The following SLC24A3 variants were observed in gnomAD, a reference collection of about 807,000 sequenced individuals.
The protein encoded by SLC24A3 is sodium/potassium/calcium exchanger 3.
SLC24A3 carries 28 observed loss-of-function variants against 75.8 expected under a neutral mutation model. The ratio of observed to expected loss-of-function variants is 0.37; its 90% CI spans 0.27 to 0.51. SLC24A3 has a LOEUF of 0.51. Ranked by LOEUF, SLC24A3 falls within the 20% of genes least tolerant of loss-of-function variation. SLC24A3 has a pLI of 0.94. For synonymous variants in SLC24A3, 372 were observed against 334.1 expected (o/e 1.11, Z -1.24); for missense variants, 663 against 847.8 (o/e 0.78, Z 2.71).
intron 2 of SLC24A3, among the ~76,000 whole-genome samples, chr20:19,354,674 C>T (rs1985644732): frequency 6.6e-6 from 1 of 151,070 alleles, no homozygotes; most frequent in Non-Finnish European, 1.5e-5. Context: ...CATCATTAGT[C>T]ATTAGGAAAT....
intron 6 of SLC24A3, among the ~76,000 whole-genome samples, chr20:19,612,751 G>A (rs1291897670): frequency 1.3e-5 from 2 of 152,120 alleles, no homozygotes; most frequent in Non-Finnish European, 1.5e-5. Flanking sequence ...ACTGCAGGAG[G>A]CCCCTCAGGG....
chr20:19,583,395 C>A (rs1031543268), intron 4 of SLC24A3, among the ~76,000 whole-genome samples: 2 of 152,104 alleles, frequency 1.3e-5, no homozygotes, highest in Admixed American at 6.5e-5. Flanking sequence ...ATACAGGGAG[C>A]CCTGCAAGCC....
intron 2 of SLC24A3, among the ~76,000 whole-genome samples, chr20:19,410,612 G>C (rs755257075): frequency 6.6e-6 from 1 of 152,112 alleles, no homozygotes; most frequent in Non-Finnish European, 1.5e-5. Flanking sequence ...CTCTCGGGGA[G>C]GTCTCTGGAT....
intron 1 of SLC24A3, among the ~76,000 whole-genome samples, chr20:19,245,840 G>A (rs993554177): frequency 6.6e-6 from 1 of 151,914 alleles, no homozygotes; most frequent in East Asian, 1.9e-4. Flanking sequence ...AACTTCACCA[G>A]AAACTGAAGA....
chr20:19,314,301 ATTTTAT>A (rs1336907219), intron 2 of SLC24A3, among the ~76,000 whole-genome samples: 1 of 147,404 alleles, frequency 6.8e-6, no homozygotes, highest in Non-Finnish European at 1.5e-5. Flanking sequence ...ATTTTATTTT[ATTTTAT>A]TTTATTTTAT....
chr20:19,449,516 A>G (rs1220103539), intron 2 of SLC24A3, among the ~76,000 whole-genome samples: 2 of 152,170 alleles, frequency 1.3e-5, no homozygotes, highest in Non-Finnish European at 2.9e-5. Context: ...CAGGAAAATA[A>G]AAGTTCTCAA....
intron 15 of SLC24A3, among the ~76,000 whole-genome samples, chr20:19,713,524 A>G (rs2033011528): frequency 6.6e-6 from 1 of 152,188 alleles, no homozygotes; most frequent in African/African-American, 2.4e-5. Context: ...ATGAGACTTC[A>G]TGGACATGCC....
chr20:19,594,875 A>G (rs535255253), intron 6 of SLC24A3, among the ~76,000 whole-genome samples: 1 of 152,340 alleles, frequency 6.6e-6, no homozygotes, highest in South Asian at 2.1e-4. Context: ...TGTGTTATAA[A>G]GAGTTTTCAG....
chr20:19,518,959 G>A (rs2030048914), intron 3 of SLC24A3, among the ~76,000 whole-genome samples: 1 of 152,180 alleles, frequency 6.6e-6, no homozygotes. Context: ...GAAGATCTGG[G>A]ACTGCCTTAT....
intron 2 of SLC24A3, among the ~76,000 whole-genome samples, chr20:19,335,639 G>A (rs966597847): frequency 2.0e-4 from 31 of 152,202 alleles, no homozygotes; most frequent in African/African-American, 7.5e-4. Context: ...ATTTTGCCTA[G>A]TCCTTTCCAG....
At chr20:19,264,551 C>A (rs1163058360) in intron 1 of SLC24A3, among the ~76,000 whole-genome samples, 1 of 151,780 alleles carries the variant, frequency 6.6e-6, no homozygotes, top group African/African-American at 2.4e-5. Context: ...ACGGTGAAAA[C>A]CTGTCTCTAC....
At chr20:19,260,573 A>G (rs1349913529) in intron 1 of SLC24A3, among the ~76,000 whole-genome samples, 1 of 152,240 alleles carries the variant, frequency 6.6e-6, no homozygotes, top group Non-Finnish European at 1.5e-5. Context: ...AGTAAAACTG[A>G]ACTGAAAATG....
In SLC24A3 at chr20:19,481,324, C is replaced by T. The variant is rs79833942; in HGVS notation, c.272-34164C>T. ...TGGACACCCGTTTTAGCACTTCACA[C>T]GTACTAGTGCTTAGTTTATACAGCC... On this transcript the variant is annotated intron_variant, in intron 2 of 16. Coordinates refer to ENST00000328041, the MANE Select transcript of SLC24A3 (RefSeq NM_020689.4). Among the ~76,000 whole-genome samples, 521 of 152,298 alleles carry T rather than the reference C, an allele frequency of 3.4e-3. 3 individuals carry two copies. Among genetic ancestry groups the T allele is most frequent in the African/African-American group, 0.012 (490 of 41,564 alleles).
intron 2 of SLC24A3, among the ~76,000 whole-genome samples, chr20:19,481,892 C>T (rs929374016): frequency 6.6e-6 from 1 of 152,018 alleles, no homozygotes; most frequent in Non-Finnish European, 1.5e-5. Flanking sequence ...CTAGTGGACA[C>T]CTCCTTCTGG....
At chr20:19,332,125 G>A (rs565137334) in intron 2 of SLC24A3, among the ~76,000 whole-genome samples, 1 of 152,234 alleles carries the variant, frequency 6.6e-6, no homozygotes, top group Non-Finnish European at 1.5e-5. Context: ...GTCTGCCATG[G>A]TAAGGAGTTT....
intron 2 of SLC24A3, among the ~76,000 whole-genome samples, chr20:19,397,240 A>G (rs993936962): frequency 6.6e-6 from 1 of 152,242 alleles, no homozygotes; most frequent in Non-Finnish European, 1.5e-5. Context: ...ATCATACATT[A>G]TCTTTTTCTC....
intron 8 of SLC24A3, among the ~76,000 whole-genome samples, chr20:19,669,501 CAAA>C (rs750019488): frequency 1.7e-5 from 2 of 120,598 alleles, no homozygotes; most frequent in African/African-American, 3.1e-5. Flanking sequence ...GACTCTGTCT[CAAA>C]AAAAAAAAAA....
At chr20:19,710,025 A>G (rs1272944360) in intron 15 of SLC24A3, among the ~76,000 whole-genome samples, 25 of 152,262 alleles carry the variant, frequency 1.6e-4, no homozygotes, top group Admixed American at 1.6e-3. Flanking sequence ...ATTGCCACCC[A>G]GTGATATTTT....
chr20:19,629,762 A>G (rs1040801095), intron 6 of SLC24A3, among the ~76,000 whole-genome samples: 1 of 152,224 alleles, frequency 6.6e-6, no homozygotes, highest in Non-Finnish European at 1.5e-5. Context: ...TCAAAGTGCT[A>G]AAAGAAAAAA....
Sources: gnomAD v4.1 joint callset for allele counts (sites outside exome capture counted in the v4.1 genomes callset) on GRCh38, gnomAD v4.1.1 for gene constraint, MANE v1.5 for transcripts, NCBI Gene and HGNC (gene_info 2026-07-23, HGNC 2026-07-21) for gene names.